The following TRIP4 variants were observed in gnomAD, a reference collection of about 807,000 sequenced individuals.
TRIP4 encodes thyroid hormone receptor interactor 4.
Under a neutral mutation model 81.8 loss-of-function variants are expected in TRIP4, and 54 were observed. The observed-to-expected ratio is 0.66, with a 90% CI of 0.53 to 0.83. TRIP4 has a LOEUF of 0.83. Among genes scored for constraint, TRIP4 ranks in the 40% least tolerant of loss-of-function variants. TRIP4 has a pLI of 0.00. For missense variants in TRIP4, 662 were observed against 683.6 expected, an observed-to-expected ratio of 0.97 and a Z score of 0.35; for synonymous variants, 270 against 242.8, an observed-to-expected ratio of 1.11 and a Z score of -1.04.
intron 4 of TRIP4, among the ~76,000 whole-genome samples, chr15:64,399,915 C>T (rs145109771): frequency 6.7e-6 from 1 of 148,512 alleles, no homozygotes; most frequent in Non-Finnish European, 1.5e-5. Flanking sequence ...GTGGAGGTTG[C>T]AGTGAGCAGA....
intron 1 of TRIP4, among the ~76,000 whole-genome samples, chr15:64,388,726 T>G (rs1900028145): frequency 6.6e-6 from 1 of 152,208 alleles, no homozygotes; most frequent in East Asian, 1.9e-4. Flanking sequence ...ACAAATAGCT[T>G]CTGACTCTGG....
chr15:64,450,393 G>GAAAAAAAAA (rs1005400086), intron 12 of TRIP4, among the ~76,000 whole-genome samples: 39 of 45,706 alleles, frequency 8.5e-4, no homozygotes, highest in East Asian at 1.2e-3. Context: ...CGTCTCAAAA[G>GAAAAAAAAA]AAAAAAAAAA....
intron 9 of TRIP4, among the ~76,000 whole-genome samples, chr15:64,423,549 TTAAA>T (rs1375307044): frequency 6.6e-6 from 1 of 151,924 alleles, no homozygotes; most frequent in Non-Finnish European, 1.5e-5. Context: ...TTAAATTATT[TTAAA>T]TAAATAAAAA....
At chr15:64,395,253 A>G (rs1900253743) in intron 2 of TRIP4, 145 bp from the exon 3 acceptor site, 11 of 675,660 alleles carry the variant, frequency 1.6e-5, no homozygotes, top group Non-Finnish European at 2.4e-5. Context: ...TTCTGGTTTG[A>G]CAGGAAAAGA....
intron 6 of TRIP4, 142 bp from the exon 7 acceptor site, chr15:64,409,471 A>G (rs1164231646): frequency 4.3e-6 from 3 of 692,970 alleles, no homozygotes; most frequent in Admixed American, 2.6e-5. Flanking sequence ...AGCTGAGCCT[A>G]CACTGGAGAT....
At chr15:64,395,987 CA>C (rs1900281974) in intron 3 of TRIP4, among the ~76,000 whole-genome samples, 1 of 151,716 alleles carries the variant, frequency 6.6e-6, no homozygotes, top group African/African-American at 2.4e-5. Flanking sequence ...CAGCTCACCA[CA>C]ACCTCTGCCT....
chr15:64,442,990 C>CA lies in TRIP4; in HGVS notation c.1576-2000dup, dbSNP rs778464158. ...TGGGTAACAGGGTAAGACTCCATCT[C>CA]AAAAAAAAAAAAAAAAGATGAGAAC... On this transcript the variant is annotated intron_variant, in intron 11 of 12. Coordinates refer to ENST00000261884, the MANE Select transcript of TRIP4 (RefSeq NM_016213.5). Among the ~76,000 whole-genome samples the CA allele has an allele frequency of 7.0e-3, 631 of 89,958 alleles. 2 individuals carry two copies. Among genetic ancestry groups the CA allele is most frequent in the Middle Eastern group, 0.025 (3 of 118 alleles). The allele number at this position is 89,958 out of a possible 152,430, so 59.0% of individuals were successfully genotyped here.
At chr15:64,438,167 T>C (rs2140309377) in intron 11 of TRIP4, among the ~76,000 whole-genome samples, 1 of 152,330 alleles carries the variant, frequency 6.6e-6, no homozygotes, top group East Asian at 1.9e-4. Context: ...CTCAGAGCAC[T>C]GCCTCAGAAG....
At chr15:64,405,704 C>T (rs1293575158) in intron 5 of TRIP4, among the ~76,000 whole-genome samples, 3 of 151,936 alleles carry the variant, frequency 2.0e-5, no homozygotes, top group Non-Finnish European at 2.9e-5. Context: ...ATAATATAAA[C>T]GTATATTTAG....
At chr15:64,438,986 T>G (rs947579183) in intron 11 of TRIP4, among the ~76,000 whole-genome samples, 9 of 152,202 alleles carry the variant, frequency 5.9e-5, no homozygotes, top group African/African-American at 9.7e-5. Flanking sequence ...AGCCCCTGTC[T>G]TAGATACTAG....
intron 6 of TRIP4, among the ~76,000 whole-genome samples, chr15:64,408,463 G>A (rs1891683770): frequency 6.7e-6 from 1 of 150,188 alleles, no homozygotes; most frequent in Admixed American, 6.7e-5. Flanking sequence ...GTTTCACCGT[G>A]TTAGCCAGGA....
At chr15:64,401,870 G>A (rs1891517791) in intron 5 of TRIP4, among the ~76,000 whole-genome samples, 1 of 152,138 alleles carries the variant, frequency 6.6e-6, no homozygotes, top group Non-Finnish European at 1.5e-5. Flanking sequence ...TTGGTTGAAA[G>A]TTTAAGAACA....
intron 11 of TRIP4, among the ~76,000 whole-genome samples, chr15:64,431,847 A>ATATATATATATATATATATATATATTT: frequency 3.3e-5 from 4 of 119,552 alleles, no homozygotes; most frequent in Admixed American, 9.7e-5. Flanking sequence ...ATATATATAT[A>ATATATATATATATATATATATATATTT]TTTTTTTTAT....
chr15:64,431,282 T>A (rs1892266037), intron 11 of TRIP4, among the ~76,000 whole-genome samples: 1 of 152,094 alleles, frequency 6.6e-6, no homozygotes, highest in Non-Finnish European at 1.5e-5. Context: ...AGGGCTGTTA[T>A]CTGAGACTCA....
At chr15:64,413,946 G>T (rs1213840218) in intron 7 of TRIP4, 139 bp from the exon 8 acceptor site, 1 of 860,262 alleles carries the variant, frequency 1.2e-6, no homozygotes, top group East Asian at 2.8e-5. Context: ...GGAAGTTGGA[G>T]TGGGGAGTAG....
chr15:64,392,475 C>A (rs1900163391), intron 1 of TRIP4, among the ~76,000 whole-genome samples: 1 of 151,982 alleles, frequency 6.6e-6, no homozygotes, highest in African/African-American at 2.4e-5. Context: ...TTAGAAGATG[C>A]CTGTTTTTGG....
intron 8 of TRIP4, among the ~76,000 whole-genome samples, chr15:64,416,119 T>C (rs947250741): frequency 5.3e-5 from 8 of 152,088 alleles, no homozygotes; most frequent in African/African-American, 1.2e-4. Flanking sequence ...TAGTCCCAGA[T>C]ACTTGGGAAG....
chr15:64,453,576 T>G (rs1206970687), intron 12 of TRIP4, among the ~76,000 whole-genome samples: 1 of 152,134 alleles, frequency 6.6e-6, no homozygotes, highest in African/African-American at 2.4e-5. Flanking sequence ...AACTCCTAAA[T>G]CCCTGGGAAT....
intron 11 of TRIP4, among the ~76,000 whole-genome samples, chr15:64,438,538 C>G (rs765411758): frequency 1.3e-5 from 2 of 152,110 alleles, no homozygotes; most frequent in African/African-American, 2.4e-5. Flanking sequence ...AGGCTGGTCT[C>G]GAACTCCCAA....
Sources: gnomAD v4.1 joint callset for allele counts (sites outside exome capture counted in the v4.1 genomes callset) on GRCh38, gnomAD v4.1.1 for gene constraint, MANE v1.5 for transcripts, NCBI Gene and HGNC (gene_info 2026-07-23, HGNC 2026-07-21) for gene names.